The following TTLL5 variants were observed in gnomAD, a reference collection of about 807,000 sequenced individuals.
TTLL5 encodes the protein tubulin tyrosine ligase like 5.
In TTLL5, 132 loss-of-function variants were observed where a neutral mutation model predicts 168.4. The observed-to-expected ratio is 0.78, with a 90% CI of 0.68 to 0.91. The LOEUF (loss-of-function observed/expected upper bound fraction) is 0.91. Ranked by LOEUF, TTLL5 falls within the 40% of genes least tolerant of loss-of-function variation. The pLI is 0.00. For synonymous variants in TTLL5, 546 were observed against 558.6 expected (o/e 0.98, Z 0.32); for missense variants, 1,545 against 1,581.5 (o/e 0.98, Z 0.39).
chr14:75,735,017 T>C (rs1366413636), intron 14 of TTLL5, among the ~76,000 whole-genome samples, 178 bp from the exon 15 acceptor site: 1 of 152,240 alleles, frequency 6.6e-6, no homozygotes, highest in Non-Finnish European at 1.5e-5. Flanking sequence ...TCTCTAGTTA[T>C]GGTGGTTCAG....
intron 8 of TTLL5, 56 bp downstream of exon 8, chr14:75,707,143 A>G: frequency 7.1e-7 from 1 of 1,400,114 alleles, no homozygotes; most frequent in Non-Finnish European, 1.0e-6. Flanking sequence ...TCAACTTTTT[A>G]AGCTTTTCAT....
At chr14:75,673,430 G>A (rs1883894549) in intron 3 of TTLL5, among the ~76,000 whole-genome samples, 1 of 152,212 alleles carries the variant, frequency 6.6e-6, no homozygotes, top group African/African-American at 2.4e-5. Flanking sequence ...GATCAGGACT[G>A]TCTTGTGGTA....
At position 75,873,025 on chromosome 14, in the gene TTLL5, C is replaced by T. The variant is rs1052487782; in HGVS notation, c.3522+9163C>T. ...ATCCTCTTAACAATTTTTATGTATACAGCACAGTATTGTTAACTATATGCA... is the reference window on the plus strand; with the variant it reads ...ATCCTCTTAACAATTTTTATGTATATAGCACAGTATTGTTAACTATATGCA... On this transcript the variant is annotated intron_variant, in intron 29 of 31. Transcript: ENST00000298832. Among the ~76,000 whole-genome samples the T allele has an allele frequency of 3.3e-5, 5 of 150,842 alleles. No individual in the cohort carries two copies. The East Asian group carries it at 7.8e-4, about 23-fold the overall frequency.
chr14:75,878,588 T>G (rs1281247995), intron 29 of TTLL5, among the ~76,000 whole-genome samples: 1 of 152,210 alleles, frequency 6.6e-6, no homozygotes. Flanking sequence ...AAAGAGAGGT[T>G]TAGAAATGTA....
chr14:75,737,101 G>A (rs976474620), intron 15 of TTLL5, among the ~76,000 whole-genome samples: 2 of 152,162 alleles, frequency 1.3e-5, no homozygotes, highest in African/African-American at 4.8e-5. Flanking sequence ...TAAATGAATT[G>A]GTCCCTTTTC....
chr14:75,669,652 C>A (rs1883561612), intron 3 of TTLL5, 130 bp downstream of exon 3: 2 of 566,092 alleles, frequency 3.5e-6, no homozygotes, highest in African/African-American at 1.9e-5. Flanking sequence ...AGTTGTTATA[C>A]TTCAAACATT....
At chr14:75,723,215 G>A (rs1267705079) in intron 12 of TTLL5, among the ~76,000 whole-genome samples, 2 of 152,084 alleles carry the variant, frequency 1.3e-5, no homozygotes, top group Non-Finnish European at 2.9e-5. Flanking sequence ...TCAGCCTCCC[G>A]AGTAGCTAGG....
chr14:75,894,069 A>T (rs1369422316), intron 30 of TTLL5, among the ~76,000 whole-genome samples: 1 of 152,214 alleles, frequency 6.6e-6, no homozygotes, highest in African/African-American at 2.4e-5. Context: ...AAGATAAGAT[A>T]CAGGGACCTA....
intron 18 of TTLL5, among the ~76,000 whole-genome samples, chr14:75,762,122 G>A (rs927980257): frequency 9.9e-5 from 15 of 152,078 alleles, no homozygotes; most frequent in African/African-American, 2.7e-4. Context: ...GGGGCTGGGC[G>A]TGGTGGCTCA....
chr14:75,784,433 T>C (rs116680514), intron 26 of TTLL5, among the ~76,000 whole-genome samples: 1,673 of 152,370 alleles, frequency 0.011, 29 homozygotes, highest in African/African-American at 0.037. Context: ...TTCATTCCCT[T>C]TATGGCTGAA....
intron 28 of TTLL5, among the ~76,000 whole-genome samples, chr14:75,854,781 G>T (rs1897047458): frequency 6.6e-6 from 1 of 152,100 alleles, no homozygotes; most frequent in Non-Finnish European, 1.5e-5. Flanking sequence ...TTGTTAGCCA[G>T]TCACATATTT....
chr14:75,709,061 G>A (rs928438153), intron 9 of TTLL5: 1 of 652,214 alleles, frequency 1.5e-6, no homozygotes, highest in Admixed American at 2.6e-5. Context: ...TATGCAGCCT[G>A]TGGGCCTCAG....
At chr14:75,878,453 TGAAA>T (rs994221174) in intron 29 of TTLL5, among the ~76,000 whole-genome samples, 1 of 152,164 alleles carries the variant, frequency 6.6e-6, no homozygotes, top group African/African-American at 2.4e-5. Context: ...ACAGGGAACA[TGAAA>T]GGGCATAAGG....
Position 75,776,683 on chromosome 14 carries a change from G to A in TTLL5, c.2284-64G>A, listed in dbSNP as rs1042286522. The A allele has an allele frequency of 1.1e-4, 130 of 1,165,544 alleles. 1 individual carries two copies. The highest frequency in any genetic ancestry group is 1.6e-4 in the Non-Finnish European group (126 of 792,274). 72.2% of individuals were successfully genotyped at this position (1,165,544 alleles called of 1,614,324 possible). ...AAGGCTATTGAAACTACATGATGAA[G>A]TGCATATTTATTAGGAGTCAGTTTT... On this transcript the variant is annotated intron_variant, in intron 22 of 31. Transcript: ENST00000298832.
chr14:75,947,476 A>G (rs1191801391), intron 31 of TTLL5, among the ~76,000 whole-genome samples: 1 of 152,242 alleles, frequency 6.6e-6, no homozygotes, highest in African/African-American at 2.4e-5. Context: ...TTTAACTAGT[A>G]TATTTAATGT....
intron 31 of TTLL5, among the ~76,000 whole-genome samples, chr14:75,933,212 CT>C (rs2140173611): frequency 6.6e-6 from 1 of 152,304 alleles, no homozygotes; most frequent in South Asian, 2.1e-4. Context: ...AATCCCAGCA[CT>C]TGGGAGGCCA....
At chr14:75,869,837 T>TTTTTTTTTTTTTTGG (rs1555352785) in intron 29 of TTLL5, among the ~76,000 whole-genome samples, 1 of 147,102 alleles carries the variant, frequency 6.8e-6, no homozygotes, top group Admixed American at 6.9e-5. Flanking sequence ...TTTTTTTTTT[T>TTTTTTTTTTTTTTGG]GCGATGGAGT....
rs386381823 is a variant in TTLL5, at chr14:75,728,690, A to ATCG, written c.1043-3645_1043-3643dup. Among the ~76,000 whole-genome samples the ATCG allele has an allele frequency of 2.1e-3, 320 of 151,824 alleles. 1 individual carries two copies. The highest frequency in any genetic ancestry group is 4.1e-3 in the Non-Finnish European group (277 of 67,934). ...TTTGAATATTATCATCATCATCATC[A>ATCG]TCGTCATATTAATTGTGGCCATGAG... On this transcript the variant is annotated intron_variant, in intron 12 of 31. Transcript: ENST00000298832.
At chr14:75,699,153 T>G (rs1886080364) in intron 6 of TTLL5, 35 bp from the exon 7 acceptor site, 1 of 1,562,282 alleles carries the variant, frequency 6.4e-7, no homozygotes, top group Non-Finnish European at 8.8e-7. Context: ...TTTTCTTTGT[T>G]TCCTCTGTTT....
Sources: gnomAD v4.1 joint callset for allele counts (sites outside exome capture counted in the v4.1 genomes callset) on GRCh38, gnomAD v4.1.1 for gene constraint, MANE v1.5 for transcripts, NCBI Gene and HGNC (gene_info 2026-07-23, HGNC 2026-07-21) for gene names.